APOL1: variants seen among roughly 807,000 people sequenced by gnomAD.
The protein encoded by APOL1 is apolipoprotein L1, also known as apolipoprotein L 1.
Under a neutral mutation model 14.9 loss-of-function variants are expected in APOL1, and 17 were observed. The ratio of observed to expected loss-of-function variants is 1.14; its 90% CI spans 0.78 to 1.71. The LOEUF (loss-of-function observed/expected upper bound fraction) is 1.71, where lower values mean the gene tolerates loss of function less well. APOL1 is among the 40% of genes most tolerant of loss of function. The pLI is 0.00. For synonymous variants in APOL1, 195 were observed against 184.8 expected (o/e 1.05, Z -0.45); for missense variants, 523 against 485.9 (o/e 1.08, Z -0.72).
Position 36,253,866 on chromosome 22 carries a change from C to T in APOL1, c.-20+647C>T, listed in dbSNP as rs1484787990. 3.4e-6 allele frequency: 5 copies of T among 1,450,788 alleles called. No homozygotes were observed. In the African/African-American group the frequency reaches 5.6e-5, roughly 16 times the overall value. 89.9% of individuals were successfully genotyped at this position (1,450,788 alleles called of 1,614,324 possible). On this transcript the variant is annotated intron_variant, in intron 1 of 5. Transcript: ENST00000397278. Reference sequence around the variant, plus strand: ...TCTGGGGTGATGGAGAAGAAACAGGCTGTGCTGTGTCCCTAATGGGAAACG... The same window carrying T: ...TCTGGGGTGATGGAGAAGAAACAGGTTGTGCTGTGTCCCTAATGGGAAACG...
In APOL1 at chr22:36,266,649, T is replaced by G. The variant is rs537943550; in HGVS notation, c.*616T>G. 7.7e-6 allele frequency: 3 copies of G among 391,002 alleles called. No individual in the cohort carries two copies. The highest frequency in any genetic ancestry group is 1.4e-5 in the Non-Finnish European group (3 of 221,216). The allele number at this position is 391,002 out of a possible 1,614,324, so 24.2% of individuals were successfully genotyped here. On this transcript the variant is annotated 3_prime_UTR_variant, in exon 6 of 6. Coordinates refer to ENST00000397278, the MANE Select transcript of APOL1 (RefSeq NM_003661.4). ...GGCCGGGTGTAGTGGCTCATGCCTGTAATCCGAGCACTTTGGGAGGCCAAG... is the reference window on the plus strand; with the variant it reads ...GGCCGGGTGTAGTGGCTCATGCCTGGAATCCGAGCACTTTGGGAGGCCAAG...
In APOL1 at chr22:36,261,711, T is replaced by C. The variant is rs1165866428; in HGVS notation, c.303T>C (p.Ala101=). The change falls in exon 5 of 6, where the codon GCT becomes GCC. Residue 101 remains alanine (A), a synonymous_variant. Coordinates refer to ENST00000397278, the MANE Select transcript of APOL1 (RefSeq NM_003661.4). ...NEAWNGFVAA[A]ELPRNEADEL... ...CCTGGAACGGATTCGTGGCTGCTGC[T>C]GAACTGCCCAGGTAAGCTCCATGGG... The C allele has an allele frequency of 1.9e-6, 3 of 1,613,996 alleles. No homozygotes were observed. The highest frequency in any genetic ancestry group is 1.3e-5 in the African/African-American group (1 of 75,052).
At position 36,265,282 on chromosome 22, in the gene APOL1, G is replaced by C. The variant is rs1437774760; in HGVS notation, c.446G>C (p.Ser149Thr). The C allele has an allele frequency of 1.5e-5, 25 of 1,613,964 alleles. No homozygotes were observed. Among genetic ancestry groups the C allele is most frequent in the Non-Finnish European group, 2.0e-5 (24 of 1,180,002 alleles). ...WFLKEFPRLK[S>T]ELEDNIRRLR... The stretch of plus-strand genomic sequence containing the variant: ...CTGAAAGAGTTTCCTCGGTTGAAAA[G>C]TGAGCTTGAGGATAACATAAGAAGG... Residue 149 changes from serine (S) to threonine (T), a missense_variant, in exon 6 of 6, where the codon AGT (serine) becomes ACT (threonine). By Grantham distance (58) the Ser-to-Thr change is moderately conservative. Coordinates refer to ENST00000397278, the MANE Select transcript of APOL1 (RefSeq NM_003661.4).
rs1021844375 is a variant in APOL1 at position 36,265,994 on chromosome 22, C to A, written c.1158C>A (p.Asn386Lys). 2 of 1,611,704 alleles carry A rather than the reference C, an allele frequency of 1.2e-6. No homozygotes were observed. The highest frequency in any genetic ancestry group is 2.2e-5 in the South Asian group (2 of 90,880). ...QELEEKLNILNNNYKILQADQ... is the reference protein window; with the variant it reads ...QELEEKLNILKNNYKILQADQ... The stretch of plus-strand genomic sequence containing the variant: ...TGGAGGAGAAGCTAAACATTCTCAA[C>A]AATAATTATAAGATTCTGCAGGCGG... The change falls in exon 6 of 6, where the codon AAC becomes AAA. Residue 386 changes from asparagine to lysine, a missense_variant. Coordinates refer to ENST00000397278, the MANE Select transcript of APOL1 (RefSeq NM_003661.4).
rs772016209 is a variant in APOL1, at chr22:36,255,122, G to C, written c.44+123G>C. 1.8e-5 allele frequency: 22 copies of C among 1,202,860 alleles called. 1 individual carries two copies. The Middle Eastern group carries it at 4.2e-3, about 230-fold the overall frequency. The allele number at this position is 1,202,860 out of a possible 1,614,324, so 74.5% of individuals were successfully genotyped here. A position where few individuals can be genotyped will look rare whatever the true frequency, so the allele number is the denominator to read the frequency against. On this transcript the variant is annotated intron_variant, in intron 2 of 5. Coordinates refer to ENST00000397278, the MANE Select transcript of APOL1 (RefSeq NM_003661.4). ...CTTCTAGGAACCAAAGTCACTTCCC[G>C]GAATTGACCAACCGGCAGACTCGCC...
At chr22:36,258,577 A>C (rs1255873160) in intron 4 of APOL1, among the ~76,000 whole-genome samples, 2 of 152,202 alleles carry the variant, frequency 1.3e-5, no homozygotes, top group African/African-American at 4.8e-5. Context: ...TGAAGAGAGA[A>C]AAAAGTCAAA....
rs781164721 is a variant in APOL1 at position 36,254,966 on chromosome 22, C to G, written c.11C>G (p.Ala4Gly). MEGAALLRVSVLCI... is the reference protein window; with the variant it reads MEGGALLRVSVLCI... Reference sequence around the variant, plus strand: ...AGGCCCTGCAGCGACATGGAGGGAGCTGCTTTGCTGAGAGTCTCTGTCCTC... The same window carrying G: ...AGGCCCTGCAGCGACATGGAGGGAGGTGCTTTGCTGAGAGTCTCTGTCCTC... Residue 4 changes from alanine to glycine, a missense_variant, in exon 2 of 6, where the codon GCT becomes GGT. Transcript: ENST00000397278. 6.2e-7 allele frequency: 1 copy of G among 1,614,006 alleles called. No individual in the cohort carries two copies. Among genetic ancestry groups the G allele is most frequent in the Non-Finnish European group, 8.5e-7 (1 of 1,179,972 alleles).
At chr22:36,262,620 G>A (rs1215056704) in intron 5 of APOL1, among the ~76,000 whole-genome samples, 1 of 152,188 alleles carries the variant, frequency 6.6e-6, no homozygotes, top group Admixed American at 6.5e-5. Context: ...ACTAGGGTGT[G>A]GAAAGAGAGG....
At chr22:36,257,601 T>C (rs2015928156) in intron 4 of APOL1, 194 bp downstream of exon 4, 7 of 608,020 alleles carry the variant, frequency 1.2e-5, no homozygotes, top group East Asian at 2.7e-5. Context: ...GACCTCTCCT[T>C]AGGGTGACAC....
chr22:36,262,831 C>A (rs1412729207), intron 5 of APOL1, among the ~76,000 whole-genome samples: 1 of 152,204 alleles, frequency 6.6e-6, no homozygotes, highest in Non-Finnish European at 1.5e-5. Flanking sequence ...CACAGAGAAA[C>A]CCCTGACATT....
chr22:36,259,139 A>G (rs912778116), intron 4 of APOL1, among the ~76,000 whole-genome samples: 6 of 152,122 alleles, frequency 3.9e-5, no homozygotes, highest in South Asian at 2.1e-4. Flanking sequence ...TACCCATCTG[A>G]TATGACCCCA....
In APOL1 at chr22:36,265,526, C is replaced by T. The variant is rs566062739; in HGVS notation, c.690C>T (p.Tyr230=). ...GGATTACCAGCAGTACCATGGACTACGGAAAGAAGTGGTGGACACAAGCCC... is the reference window on the plus strand; with the variant it reads ...GGATTACCAGCAGTACCATGGACTATGGAAAGAAGTGGTGGACACAAGCCC... The part of the protein sequence containing the change: ...LTGITSSTMD[Y]GKKWWTQAQA... The change falls in exon 6 of 6, where the codon TAC becomes TAT. Residue 230 remains tyrosine, a synonymous_variant. Transcript: ENST00000397278. The T allele has an allele frequency of 2.8e-5, 45 of 1,609,958 alleles. No homozygotes were observed. The highest frequency in any genetic ancestry group is 1.7e-4 in the Middle Eastern group (1 of 6,024).
intron 3 of APOL1, 67 bp from the exon 4 acceptor site, chr22:36,257,252 A>T (rs2015913727): frequency 6.2e-7 from 1 of 1,604,420 alleles, no homozygotes; most frequent in East Asian, 2.2e-5. Flanking sequence ...CCGGCTGCTC[A>T]AGCAAGCCTC....
chr22:36,265,228 A>ATTT lies in APOL1; in HGVS notation c.393_394insTTT (p.Asp131_Lys132insPhe), dbSNP rs2016198019. The ATTT allele has an allele frequency of 1.9e-6, 3 of 1,614,114 alleles. No individual in the cohort carries two copies. In the African/African-American group the frequency reaches 4.0e-5, roughly 22 times the overall value. On this transcript the variant is annotated inframe_insertion, in exon 6 of 6. Coordinates refer to ENST00000397278, the MANE Select transcript of APOL1 (RefSeq NM_003661.4). ...ATCATGAAAGACAAAAACTGGCACG[A>ATTT]TAAAGGCCAGCAGTACAGAAACTGG...
At chr22:36,260,486 C>T (rs894178924) in intron 4 of APOL1, among the ~76,000 whole-genome samples, 2 of 152,266 alleles carry the variant, frequency 1.3e-5, no homozygotes, top group South Asian at 2.1e-4. Flanking sequence ...TACTGGTCCC[C>T]AGTTCCTTAT....
At chr22:36,254,053 T>C (rs1212340480) in intron 1 of APOL1, 3 of 1,589,072 alleles carry the variant, frequency 1.9e-6, no homozygotes, top group African/African-American at 1.3e-5. Flanking sequence ...GAATCAAACC[T>C]GGAAACTTTT....
chr22:36,261,513 T>C (rs2016069963), intron 4 of APOL1, 83 bp from the exon 5 acceptor site: 2 of 1,428,520 alleles, frequency 1.4e-6, no homozygotes, highest in Non-Finnish European at 1.9e-6. Context: ...CCAGGAAAAT[T>C]AACATGTAGT....
intron 4 of APOL1, among the ~76,000 whole-genome samples, chr22:36,257,829 C>T (rs1393240544): frequency 6.6e-6 from 1 of 152,172 alleles, no homozygotes; most frequent in Non-Finnish European, 1.5e-5. Flanking sequence ...CCACCTGAGG[C>T]TGGTCCCCTC....
intron 1 of APOL1, chr22:36,253,920 C>G (rs6000220): frequency 1.9e-6 from 3 of 1,613,208 alleles, no homozygotes; most frequent in Non-Finnish European, 2.5e-6. Context: ...GAGAAGGGTG[C>G]GTTGCAGAAT....
Sources: gnomAD v4.1 joint callset for allele counts (sites outside exome capture counted in the v4.1 genomes callset) on GRCh38, gnomAD v4.1.1 for gene constraint, MANE v1.5 for transcripts, NCBI Gene and HGNC (gene_info 2026-07-23, HGNC 2026-07-21) for gene names.